The following KIF26A variants were observed in gnomAD, a reference collection of about 807,000 sequenced individuals.
The protein encoded by KIF26A is kinesin-like protein KIF26A.
Under a neutral mutation model 126.0 loss-of-function variants are expected in KIF26A, and 74 were observed. The ratio of observed to expected loss-of-function variants is 0.59; its 90% CI spans 0.49 to 0.71. The LOEUF (loss-of-function observed/expected upper bound fraction) is 0.71. Ranked by LOEUF, KIF26A falls within the 30% of genes least tolerant of loss-of-function variation. The pLI is 0.00. For synonymous variants in KIF26A, 1,445 were observed against 1,232.7 expected, an observed-to-expected ratio of 1.17 and a Z score of -3.61; for missense variants, 2,984 against 2,763.3, an observed-to-expected ratio of 1.08 and a Z score of -1.79.
At position 104,176,066 on chromosome 14, in the gene KIF26A, G is replaced by C. The variant is rs557549780; in HGVS notation, c.3278G>C (p.Gly1093Ala). The change falls in exon 12 of 15, where the codon GGG (glycine) becomes GCG (alanine). Residue 1093 changes from glycine to alanine, a missense_variant. Gly to Ala is a moderately conservative substitution (Grantham distance 60). Coordinates refer to ENST00000423312, the MANE Select transcript of KIF26A (RefSeq NM_015656.2). ...GCCTACACCTCTCAGGCCCCTGAGGGGGGGCCCCTGGAGGGGGCAGCCTGG... is the reference window on the plus strand; with the variant it reads ...GCCTACACCTCTCAGGCCCCTGAGGCGGGGCCCCTGGAGGGGGCAGCCTGG... ...FDAYTSQAPEGGPLEGAAWAG... is the reference protein window; with the variant it reads ...FDAYTSQAPEAGPLEGAAWAG... 11 of 1,596,354 alleles carry C rather than the reference G, an allele frequency of 6.9e-6. No homozygotes were observed. The East Asian group carries it at 1.1e-4, about 16-fold the overall frequency.
At chr14:104,144,051 T>C (rs1171544865) in intron 2 of KIF26A, among the ~76,000 whole-genome samples, 1 of 152,198 alleles carries the variant, frequency 6.6e-6, no homozygotes, top group Non-Finnish European at 1.5e-5. Context: ...AGCCTCGCTG[T>C]GCAGCCTCTG....
At position 104,173,880 on chromosome 14, in the gene KIF26A, G is replaced by A; in HGVS notation, c.2030+12G>A. ...CATGTGCCGTATCGGTGAGTGTAGG[G>A]CCTGGGCAGGTGCCGACCAGGGTGG... is the stretch of plus-strand genomic sequence containing the variant. On this transcript the variant is annotated intron_variant, in intron 10 of 14. Coordinates refer to ENST00000423312, the MANE Select transcript of KIF26A (RefSeq NM_015656.2). 3 of 1,568,170 alleles carry A rather than the reference G, an allele frequency of 1.9e-6. No individual in the cohort carries two copies. In the South Asian group the frequency reaches 3.4e-5, roughly 18 times the overall value.
At chr14:104,138,896 C>T (rs1055648120) in intron 1 of KIF26A, 132 bp downstream of exon 1, 13 of 1,253,916 alleles carry the variant, frequency 1.0e-5, no homozygotes, top group Non-Finnish European at 1.3e-5. Context: ...GCGGGACCTC[C>T]GGGGATGGAG....
intron 11 of KIF26A, among the ~76,000 whole-genome samples, chr14:104,174,684 G>T (rs8011051): frequency 0.37 from 56,015 of 152,064 alleles, 10,424 homozygotes; most frequent in East Asian, 0.42. Flanking sequence ...GGGGTTACAC[G>T]GCCCTTGGTG....
rs367630936 is a variant in KIF26A at position 104,179,666 on chromosome 14, G to C, written c.5525G>C (p.Arg1842Pro). 1.3e-6 allele frequency: 2 copies of C among 1,547,878 alleles called. No individual in the cohort carries two copies. Among genetic ancestry groups the C allele is most frequent in the Non-Finnish European group, 1.7e-6 (2 of 1,145,856 alleles). ...GCCGAGTACCTGGCGGCCCTGGAGCGAGCCACGGCGGCCCTGGAGCAGTGC... is the reference window on the plus strand; with the variant it reads ...GCCGAGTACCTGGCGGCCCTGGAGCCAGCCACGGCGGCCCTGGAGCAGTGC... ...ESAEYLAALERATAALEQCVN... is the reference protein window; with the variant it reads ...ESAEYLAALEPATAALEQCVN... Residue 1842 changes from arginine (R) to proline (P), a missense_variant, in exon 15 of 15, where the codon CGA becomes CCA. By Grantham distance (103) the Arg-to-Pro change is moderately radical (BLOSUM62 -2). Transcript: ENST00000423312.
In KIF26A at chr14:104,173,202, G is replaced by T; in HGVS notation, c.1646G>T (p.Gly549Val). ...PGSLQDTQSPGVYLREDPVCG... is the reference protein window; with the variant it reads ...PGSLQDTQSPVVYLREDPVCG... ...AGCCTCCAGGACACCCAGTCTCCGG[G>T]AGTGTACCTGCGGGAGGACCCCGTG... is the stretch of plus-strand genomic sequence containing the variant. Residue 549 changes from glycine (G) to valine (V), a missense_variant, in exon 8 of 15, where the codon GGA (glycine) becomes GTA (valine). Transcript: ENST00000423312. 6.2e-7 allele frequency: 1 copy of T among 1,611,492 alleles called. No individual in the cohort carries two copies. The highest frequency in any genetic ancestry group is 8.5e-7 in the Non-Finnish European group (1 of 1,179,146).
rs1435545027 is a variant in KIF26A at position 104,175,481 on chromosome 14, C to T, written c.2693C>T (p.Thr898Ile). The change falls in exon 12 of 15, where the codon ACC becomes ATC. Residue 898 changes from threonine (T) to isoleucine (I), a missense_variant. Thr to Ile is a moderately conservative substitution (Grantham distance 89). Transcript: ENST00000423312. The part of the protein sequence containing the change: ...KAVGTPMAAS[T>I]PRGSSGPDTH... ...GTGGGCACCCCGATGGCTGCCAGCA[C>T]CCCTCGAGGCAGTTCTGGTCCAGAC... 1 of 1,593,144 alleles carries T rather than the reference C, an allele frequency of 6.3e-7. No individual in the cohort carries two copies. The highest frequency in any genetic ancestry group is 1.7e-5 in the Admixed American group (1 of 59,014).
chr14:104,168,138 G>A (rs113927937), intron 5 of KIF26A, among the ~76,000 whole-genome samples: 6,551 of 152,250 alleles, frequency 0.043, 182 homozygotes, highest in Non-Finnish European at 0.063. Context: ...TGTAGTCCTG[G>A]AGGGGCCTCC....
rs138366699 is a variant in KIF26A, at chr14:104,180,280, C to G, written c.*490C>G. On this transcript the variant is annotated 3_prime_UTR_variant, in exon 15 of 15. Coordinates refer to ENST00000423312, the MANE Select transcript of KIF26A (RefSeq NM_015656.2). ...ACAATGGTTTCCTCTCGGCAGAGCC[C>G]GGGTTGTGGGGGATCTGTGTGGGGT... is the stretch of plus-strand genomic sequence containing the variant. 1 of 130,826 alleles carries G rather than the reference C, an allele frequency of 7.6e-6. No individual in the cohort carries two copies. 8.1% of individuals were successfully genotyped at this position (130,826 alleles called of 1,614,324 possible).
intron 4 of KIF26A, among the ~76,000 whole-genome samples, chr14:104,158,427 G>T (rs1190624996): frequency 6.6e-6 from 1 of 152,242 alleles, no homozygotes; most frequent in African/African-American, 2.4e-5. Context: ...TGGGGCCACG[G>T]AGAGGACAAG....
At position 104,139,111 on chromosome 14, in the gene KIF26A, C is replaced by T. The variant is rs1272237364; in HGVS notation, c.111C>T (p.Pro37=). ...LLEVSPRKRL[P]AGPDQDPCGS... is the part of the protein sequence containing the mutation. ...AGGTGTCCCCCCGAAAGAGGCTACC[C>T]GCCGGGCCCGACCAGGACCCATGCG... The change falls in exon 2 of 15, where the codon CCC becomes CCT. Residue 37 remains proline (P), a synonymous_variant. Coordinates refer to ENST00000423312, the MANE Select transcript of KIF26A (RefSeq NM_015656.2). 3.4e-6 allele frequency: 5 copies of T among 1,480,798 alleles called. No individual in the cohort carries two copies. The highest frequency in any genetic ancestry group is 4.5e-6 in the Non-Finnish European group (5 of 1,117,552). The allele number at this position is 1,480,798 out of a possible 1,614,324, so 91.7% of individuals were successfully genotyped here. A position where few individuals can be genotyped will look rare whatever the true frequency, so the allele number is the denominator to read the frequency against.
chr14:104,150,267 G>GCGAATCTC (rs1198625438), intron 2 of KIF26A, among the ~76,000 whole-genome samples: 3 of 146,590 alleles, frequency 2.0e-5, no homozygotes, highest in South Asian at 2.3e-4. Flanking sequence ...GCTGACCTCA[G>GCGAATCTC]CGAATCTCCG....
rs2037744427 is a variant in KIF26A, at chr14:104,152,931, G to A, written c.735+470G>A. ...TGCTGGAGATGCGTTGCCTGCCCCT[G>A]TGGCACCCTGGGGGCAGAGGGACAT... On this transcript the variant is annotated intron_variant, in intron 3 of 14. Coordinates refer to ENST00000423312, the MANE Select transcript of KIF26A (RefSeq NM_015656.2). This position sits in a 1 kb window ranked among gnomAD's most constrained non-coding sequence, Gnocchi z 5.9. Among the ~76,000 whole-genome samples the A allele has an allele frequency of 6.6e-6, 1 of 152,142 alleles. No individual in the cohort carries two copies. Among genetic ancestry groups the A allele is most frequent in the Admixed American group, 6.5e-5 (1 of 15,286 alleles).
At chr14:104,165,609 CTCTG>C (rs1334507661) in intron 4 of KIF26A, among the ~76,000 whole-genome samples, 11 of 135,708 alleles carry the variant, frequency 8.1e-5, no homozygotes, top group Non-Finnish European at 1.5e-5. Context: ...ATGTGTGTGT[CTCTG>C]TCTCTGTATG....
intron 2 of KIF26A, among the ~76,000 whole-genome samples, chr14:104,142,573 G>GGCCCCTTCTCAGGT (rs1343226702): frequency 6.6e-6 from 1 of 152,094 alleles, no homozygotes; most frequent in East Asian, 1.9e-4. Flanking sequence ...TGGCCTCAGG[G>GGCCCCTTCTCAGGT]GCCCCTTCTC....
chr14:104,165,192 C>T (rs1349746208), intron 4 of KIF26A, among the ~76,000 whole-genome samples: 2 of 129,572 alleles, frequency 1.5e-5, no homozygotes, highest in Admixed American at 7.2e-5. Flanking sequence ...TTTCTGTATG[C>T]ATGTGTGTGT....
chr14:104,178,293 C>T (rs913204634), intron 12 of KIF26A, among the ~76,000 whole-genome samples: 8 of 152,168 alleles, frequency 5.3e-5, no homozygotes, highest in African/African-American at 1.2e-4. Flanking sequence ...AGGGCTGCCC[C>T]AAGGGACAGA....
intron 13 of KIF26A, 93 bp from the exon 14 acceptor site, chr14:104,179,143 C>G: frequency 7.5e-7 from 1 of 1,328,484 alleles, no homozygotes; most frequent in Non-Finnish European, 9.8e-7. Context: ...CAAGGCCTGG[C>G]AGGTGAAGGG....
In KIF26A at chr14:104,176,118, C is replaced by T. The variant is rs1262289141; in HGVS notation, c.3330C>T (p.Ile1110=). ...AWAGSSHGSS[I]SSWLSEVSVC... ...CCGGCAGCAGTCACGGCTCCTCCAT[C>T]AGCTCCTGGCTCAGCGAGGTCAGCG... is the stretch of plus-strand genomic sequence containing the variant. The change falls in exon 12 of 15, where the codon ATC becomes ATT. Residue 1110 remains isoleucine, a synonymous_variant. Transcript: ENST00000423312. The T allele has an allele frequency of 1.9e-6, 3 of 1,582,300 alleles. No homozygotes were observed. Among genetic ancestry groups the T allele is most frequent in the Non-Finnish European group, 2.6e-6 (3 of 1,165,158 alleles).
Sources: allele counts gnomAD v4.1 joint callset (sites outside exome capture counted in the v4.1 genomes callset), GRCh38; gene constraint gnomAD v4.1.1; non-coding constraint Gnocchi (gnomAD v3.1); transcripts MANE v1.5; gene names NCBI Gene and HGNC (gene_info 2026-07-23, HGNC 2026-07-21).